HTR1E: variants seen among roughly 807,000 people sequenced by gnomAD.
The protein encoded by HTR1E is 5-HT-1E.
Under a neutral mutation model 3.4 loss-of-function variants are expected in HTR1E, and 3 were observed. The ratio of observed to expected loss-of-function variants is 0.89; its 90% CI spans 0.41 to 2.31. The LOEUF (loss-of-function observed/expected upper bound fraction) is 2.31, where lower values mean the gene tolerates loss of function less well. Among genes scored for constraint, HTR1E ranks in the 30% most tolerant of loss-of-function variants. The pLI, the probability that HTR1E is intolerant of heterozygous loss-of-function variation, is 0.05. For missense variants in HTR1E, 392 were observed against 467.0 expected (o/e 0.84, Z 1.48); for synonymous variants, 170 against 182.8 (o/e 0.93, Z 0.56).
Position 86,980,901 on chromosome 6 carries a change from T to C in HTR1E, c.-185-34249T>C, listed in dbSNP as rs115456586. Among the ~76,000 whole-genome samples, 764 of 152,282 alleles carry C rather than the reference T, an allele frequency of 5.0e-3. 5 individuals are homozygous for C. The highest frequency in any genetic ancestry group is 0.017 in the African/African-American group (727 of 41,552). ...CCAGGAGTATGTGTGGGTGGGTGTG[T>C]ATAATGTACTGAACTGATCAATTGA... On this transcript the variant is annotated intron_variant, in intron 1 of 1. Coordinates refer to ENST00000305344, the MANE Select transcript of HTR1E (RefSeq NM_000865.3).
intron 1 of HTR1E, among the ~76,000 whole-genome samples, chr6:86,979,074 A>G (rs1283281195): frequency 3.9e-5 from 6 of 152,208 alleles, no homozygotes; most frequent in African/African-American, 1.2e-4. Flanking sequence ...TGTCCAAGAT[A>G]ATTTTCACAT....
Position 86,952,229 on chromosome 6 carries a change from T to G in HTR1E, c.-186+14406T>G, listed in dbSNP as rs940666894. Among the ~76,000 whole-genome samples the G allele has an allele frequency of 6.6e-5, 10 of 152,142 alleles. No individual in the cohort carries two copies. The East Asian group carries it at 1.9e-3, about 29-fold the overall frequency. On this transcript the variant is annotated intron_variant, in intron 1 of 1. Transcript: ENST00000305344. ...CTAAATGTGGGTGTCCCATAGCTCC[T>G]TAGTTTCAATTTCGAGATTCAAACA... is the stretch of plus-strand genomic sequence containing the variant.
rs149135994 is a variant in HTR1E at position 87,013,736 on chromosome 6, G to A, written c.-185-1414G>A. On this transcript the variant is annotated intron_variant, in intron 1 of 1. Transcript: ENST00000305344. ...TATAAATAAGAAATTAATTGGGGTG[G>A]CAAAGTACATTTAAAATTTTGTGAT... is the stretch of plus-strand genomic sequence containing the variant. Among the ~76,000 whole-genome samples the A allele has an allele frequency of 3.2e-3, 480 of 151,936 alleles. 4 individuals carry two copies. Among genetic ancestry groups the A allele is most frequent in the African/African-American group, 7.9e-3 (328 of 41,460 alleles).
chr6:87,005,351 A>G (rs1238627110), intron 1 of HTR1E, among the ~76,000 whole-genome samples: 1 of 152,212 alleles, frequency 6.6e-6, no homozygotes, highest in Non-Finnish European at 1.5e-5. Flanking sequence ...TTACAGAACT[A>G]TAGTAACCAA....
At chr6:86,971,601 C>CA (rs199973199) in intron 1 of HTR1E, among the ~76,000 whole-genome samples, 8,947 of 104,328 alleles carry the variant, frequency 0.086, 252 homozygotes, top group Middle Eastern at 0.14. Context: ...CCTCCAGTGG[C>CA]AAAAAAAAAA....
At chr6:86,961,631 TAAG>T (rs1212489263) in intron 1 of HTR1E, among the ~76,000 whole-genome samples, 1 of 152,238 alleles carries the variant, frequency 6.6e-6, no homozygotes, top group Non-Finnish European at 1.5e-5. Context: ...CCATGGCTGT[TAAG>T]AAGCTCTGAC....
intron 1 of HTR1E, among the ~76,000 whole-genome samples, chr6:86,977,451 G>T (rs954584524): frequency 1.3e-5 from 2 of 152,158 alleles, no homozygotes; most frequent in Non-Finnish European, 2.9e-5. Context: ...ACCTAAGGAT[G>T]ATTCCATGTC....
chr6:87,016,258 C>G lies in HTR1E; in HGVS notation c.924C>G (p.Phe308Leu). Residue 308 changes from phenylalanine to leucine, a missense_variant, in exon 2 of 2, where the codon TTC becomes TTG. By Grantham distance (22) the Phe-to-Leu change is conservative. Transcript: ENST00000305344. ...TCATTTTATCCTGGCTGCCATTTTT[C>G]ATCAAAGAGTTGATTGTGGGTCTGA... ...GAFILSWLPF[F>L]IKELIVGLSI... is the part of the protein sequence containing the mutation. 3 of 1,614,148 alleles carry G rather than the reference C, an allele frequency of 1.9e-6. No homozygotes were observed. Among genetic ancestry groups the G allele is most frequent in the Non-Finnish European group, 2.5e-6 (3 of 1,180,002 alleles).
rs542999638 is a variant in HTR1E, at chr6:86,971,165, C to T, written c.-186+33342C>T. 2.6e-5 allele frequency: 13 copies of T among 495,594 alleles called. No individual in the cohort carries two copies. The East Asian group carries it at 7.2e-4, about 28-fold the overall frequency. The allele number at this position is 495,594 out of a possible 1,614,324, so 30.7% of individuals were successfully genotyped here. A position where few individuals can be genotyped will look rare whatever the true frequency, so the allele number is the denominator to read the frequency against. ...ATGCTGGCAACAGAGAAGACCAGATCAACAGGCCTATTATGGGAATGAACT... is the reference window on the plus strand; with the variant it reads ...ATGCTGGCAACAGAGAAGACCAGATTAACAGGCCTATTATGGGAATGAACT... On this transcript the variant is annotated intron_variant, in intron 1 of 1. Transcript: ENST00000305344.
At chr6:86,951,850 G>A (rs973475153) in intron 1 of HTR1E, among the ~76,000 whole-genome samples, 2 of 152,128 alleles carry the variant, frequency 1.3e-5, no homozygotes, top group African/African-American at 4.8e-5. Context: ...GTAACACACA[G>A]TATATTTGGA....
intron 1 of HTR1E, among the ~76,000 whole-genome samples, chr6:86,985,083 G>A (rs1767765654): frequency 1.3e-5 from 2 of 152,128 alleles, no homozygotes; most frequent in African/African-American, 4.8e-5. Context: ...GAACTATAAT[G>A]TATTCACGCT....
intron 1 of HTR1E, among the ~76,000 whole-genome samples, chr6:86,996,665 C>G (rs908899982): frequency 6.6e-6 from 1 of 151,866 alleles, no homozygotes; most frequent in African/African-American, 2.4e-5. Context: ...TGAAATTGAT[C>G]AATACCTCAA....
rs560091130 is a variant in HTR1E, at chr6:86,987,144, T to C, written c.-185-28006T>C. On this transcript the variant is annotated intron_variant, in intron 1 of 1. Transcript: ENST00000305344. ...TTTCCACAGCCATGGCAAATACCAA[T>C]TATCAATTCACAGCAATTCTCATGC... Among the ~76,000 whole-genome samples the C allele has an allele frequency of 2.0e-5, 3 of 152,244 alleles. No individual in the cohort carries two copies. In the East Asian group the frequency reaches 5.8e-4, roughly 29 times the overall value.
intron 1 of HTR1E, among the ~76,000 whole-genome samples, chr6:86,989,191 A>G (rs1037928350): frequency 2.0e-5 from 3 of 152,110 alleles, no homozygotes; most frequent in African/African-American, 7.2e-5. Context: ...ACTGCCTCCC[A>G]GATGTCCTTC....
chr6:87,005,310 G>T (rs552916571), intron 1 of HTR1E, among the ~76,000 whole-genome samples: 2 of 152,196 alleles, frequency 1.3e-5, no homozygotes, highest in Admixed American at 6.5e-5. Context: ...AACAAAACTG[G>T]ACGAATAACA....
intron 1 of HTR1E, among the ~76,000 whole-genome samples, chr6:86,945,360 A>C (rs1305810081): frequency 6.6e-6 from 1 of 152,038 alleles, no homozygotes; most frequent in African/African-American, 2.4e-5. Context: ...CTCCCACCTC[A>C]GCTTCCTAGT....
chr6:87,014,783 A>G (rs999050449), intron 1 of HTR1E, among the ~76,000 whole-genome samples: 1 of 152,136 alleles, frequency 6.6e-6, no homozygotes, highest in Non-Finnish European at 1.5e-5. Context: ...GGCCGGGAAC[A>G]TGACACACCA....
chr6:86,938,901 A>C (rs1325293143), intron 1 of HTR1E, among the ~76,000 whole-genome samples: 2 of 152,198 alleles, frequency 1.3e-5, no homozygotes, highest in Non-Finnish European at 2.9e-5. Context: ...ATAGTTGTAC[A>C]TTCAGACACA....
At chr6:86,945,098 ATTG>A (rs374948631) in intron 1 of HTR1E, among the ~76,000 whole-genome samples, 3 of 152,246 alleles carry the variant, frequency 2.0e-5, no homozygotes, top group African/African-American at 7.2e-5. Context: ...AGAAAACAGC[ATTG>A]TTATTACAGG....
Sources: allele counts gnomAD v4.1 joint callset (sites outside exome capture counted in the v4.1 genomes callset), GRCh38; gene constraint gnomAD v4.1.1; transcripts MANE v1.5; gene names NCBI Gene and HGNC (gene_info 2026-07-23, HGNC 2026-07-21).